The following GXYLT2 variants were observed in gnomAD, a reference collection of about 807,000 sequenced individuals.
The protein encoded by GXYLT2 is glucoside xylosyltransferase 2.
A neutral mutation model predicts 45.8 loss-of-function variants in GXYLT2; 53 were observed. The ratio of observed to expected loss-of-function variants is 1.16; its 90% CI spans 0.93 to 1.46. GXYLT2 has a LOEUF of 1.46. Ranked by LOEUF, GXYLT2 falls within the 40% of genes most tolerant of loss-of-function variation. The pLI is 0.00. For synonymous variants in GXYLT2, 219 were observed against 214.2 expected, an observed-to-expected ratio of 1.02 and a Z score of -0.19; for missense variants, 551 against 544.4, an observed-to-expected ratio of 1.01 and a Z score of -0.12.
intron 6 of GXYLT2, among the ~76,000 whole-genome samples, chr3:72,969,926 A>AAAAC: frequency 6.6e-6 from 1 of 150,436 alleles, no homozygotes; most frequent in Non-Finnish European, 1.5e-5. Flanking sequence ...AAAAAACAAA[A>AAAAC]ACATTTAAGG....
In GXYLT2 at chr3:72,974,512, C is replaced by G. The variant is rs373246929; in HGVS notation, c.1150-465C>G. Among the ~76,000 whole-genome samples the G allele has an allele frequency of 1.7e-4, 26 of 152,206 alleles. 1 individual carries two copies. Among genetic ancestry groups the G allele is most frequent in the Admixed American group, 1.1e-3 (17 of 15,278 alleles). On this transcript the variant is annotated intron_variant, in intron 6 of 6. Coordinates refer to ENST00000389617, the MANE Select transcript of GXYLT2 (RefSeq NM_001080393.2). ...GAGTATCTTGAGCCTTCCTTCTACT[C>G]AGCGTAAACATGCTATGATATATGG...
At chr3:72,965,893 C>T (rs752596600) in intron 5 of GXYLT2, among the ~76,000 whole-genome samples, 4 of 152,162 alleles carry the variant, frequency 2.6e-5, no homozygotes, top group Admixed American at 6.5e-5. Flanking sequence ...GGCCATGGTG[C>T]ATATAGTTAC....
rs1004336580 is a variant in GXYLT2 at position 72,925,626 on chromosome 3, C to CA, written c.600+3297dup. Among the ~76,000 whole-genome samples, 5 of 151,840 alleles carry CA rather than the reference C, an allele frequency of 3.3e-5. No homozygotes were observed. In the East Asian group the frequency reaches 5.8e-4, roughly 18 times the overall value. ...GGTTTGTTGCTTGTCTCCATTTTTG[C>CA]AAAAAATAAGTATTAGAAAACCAAA... is the stretch of plus-strand genomic sequence containing the variant. On this transcript the variant is annotated intron_variant, in intron 3 of 6. Coordinates refer to ENST00000389617, the MANE Select transcript of GXYLT2 (RefSeq NM_001080393.2).
At chr3:72,925,410 C>A (rs111624265) in intron 3 of GXYLT2, among the ~76,000 whole-genome samples, 4,198 of 152,234 alleles carry the variant, frequency 0.028, 179 homozygotes, top group African/African-American at 0.097. Context: ...CCCGCCTCGG[C>A]CTCCCAAAGT....
At chr3:72,974,955 CT>C (rs746999325) in intron 6 of GXYLT2, 21 bp from the exon 7 acceptor site, 385 of 1,497,354 alleles carry the variant, frequency 2.6e-4, no homozygotes, top group Admixed American at 7.5e-4. Context: ...ACTAAATAAA[CT>C]TTTTTTTTGT....
chr3:72,914,557 G>A (rs1246306498), intron 2 of GXYLT2, among the ~76,000 whole-genome samples: 2 of 150,094 alleles, frequency 1.3e-5, no homozygotes, highest in Non-Finnish European at 2.9e-5. Context: ...GCGCGCGCGC[G>A]CTTGCGTGCG....
intron 3 of GXYLT2, among the ~76,000 whole-genome samples, chr3:72,926,432 A>G (rs898698563): frequency 6.6e-6 from 1 of 152,246 alleles, no homozygotes; most frequent in Non-Finnish European, 1.5e-5. Context: ...TAAGCGTTCT[A>G]AAATGCATAT....
At chr3:72,924,527 G>A (rs1280584745) in intron 3 of GXYLT2, among the ~76,000 whole-genome samples, 1 of 152,052 alleles carries the variant, frequency 6.6e-6, no homozygotes, top group African/African-American at 2.4e-5. Context: ...AAGGGCAGTG[G>A]GAAGCCACTG....
chr3:72,925,474 A>G (rs571398471), intron 3 of GXYLT2, among the ~76,000 whole-genome samples: 2 of 152,226 alleles, frequency 1.3e-5, no homozygotes, highest in East Asian at 3.9e-4. Flanking sequence ...TGTTCTTCAC[A>G]TGTCACAGAC....
chr3:72,974,309 TAAAC>T (rs370308564), intron 6 of GXYLT2, among the ~76,000 whole-genome samples: 3 of 152,272 alleles, frequency 2.0e-5, no homozygotes, highest in African/African-American at 7.2e-5. Context: ...AAGAGGGAAA[TAAAC>T]AACCACTAAT....
intron 3 of GXYLT2, among the ~76,000 whole-genome samples, chr3:72,938,646 G>C (rs1372822085): frequency 6.6e-6 from 1 of 152,164 alleles, no homozygotes; most frequent in Non-Finnish European, 1.5e-5. Flanking sequence ...CACCTGATAA[G>C]AGGAGGAAGC....
intron 1 of GXYLT2, among the ~76,000 whole-genome samples, chr3:72,902,589 T>C (rs1193478571): frequency 1.3e-5 from 2 of 152,126 alleles, no homozygotes; most frequent in East Asian, 3.8e-4. Context: ...GTAATCCCAA[T>C]ACTTTGATAG....
chr3:72,901,653 T>G (rs1195610181), intron 1 of GXYLT2, among the ~76,000 whole-genome samples: 1 of 136,448 alleles, frequency 7.3e-6, no homozygotes, highest in Admixed American at 8.0e-5. Flanking sequence ...CTCCGCCTCC[T>G]GGGTTCAAGC....
At chr3:72,914,527 A>ATG (rs141322523) in intron 2 of GXYLT2, among the ~76,000 whole-genome samples, 2,855 of 149,884 alleles carry the variant, frequency 0.019, 64 homozygotes, top group African/African-American at 0.054. Context: ...TTACATATAT[A>ATG]TGTGTGTGTG....
At chr3:72,958,862 C>T (rs907486498) in intron 5 of GXYLT2, among the ~76,000 whole-genome samples, 8 of 151,754 alleles carry the variant, frequency 5.3e-5, no homozygotes, top group Non-Finnish European at 1.0e-4. Context: ...GAGCTCCTGA[C>T]CTCAGGTGAT....
intron 2 of GXYLT2, among the ~76,000 whole-genome samples, chr3:72,919,476 T>G (rs1709793200): frequency 6.6e-6 from 1 of 152,042 alleles, no homozygotes; most frequent in Non-Finnish European, 1.5e-5. Context: ...AGTAATGGGC[T>G]GGGCACGGTG....
chr3:72,908,819 C>A (rs113964966), intron 2 of GXYLT2, among the ~76,000 whole-genome samples: 6,304 of 152,188 alleles, frequency 0.041, 377 homozygotes, highest in African/African-American at 0.14. Flanking sequence ...CTCACTGCAG[C>A]CTCAACCTTC....
chr3:72,912,603 G>A (rs1185138601), intron 2 of GXYLT2, among the ~76,000 whole-genome samples: 1 of 152,122 alleles, frequency 6.6e-6, no homozygotes, highest in Non-Finnish European at 1.5e-5. Context: ...GTAATGCTAT[G>A]TGACAAAAAA....
At chr3:72,962,468 A>G (rs1284124998) in intron 5 of GXYLT2, among the ~76,000 whole-genome samples, 1 of 152,182 alleles carries the variant, frequency 6.6e-6, no homozygotes, top group Non-Finnish European at 1.5e-5. Context: ...AATAAATGGA[A>G]GAGAAAGAGC....
Sources: gnomAD v4.1 joint callset for allele counts (sites outside exome capture counted in the v4.1 genomes callset) on GRCh38, gnomAD v4.1.1 for gene constraint, MANE v1.5 for transcripts, NCBI Gene and HGNC (gene_info 2026-07-23, HGNC 2026-07-21) for gene names.